DMD: variants seen among roughly 807,000 people sequenced by gnomAD.
The protein encoded by DMD is dystrophin.
In DMD, 63 loss-of-function variants were observed where a neutral mutation model predicts 330.1. The ratio of observed to expected loss-of-function variants is 0.19; its 90% confidence interval spans 0.16 to 0.24. The LOEUF (loss-of-function observed/expected upper bound fraction) is 0.24, where lower values mean the gene tolerates loss of function less well. DMD is among the 10% of genes least tolerant of loss of function. The probability of loss-of-function intolerance (pLI) is 1.00; values close to 1 mark genes in which losing one functional copy is unlikely to be tolerated. For synonymous variants in DMD, 1,223 were observed against 959.8 expected, an observed-to-expected ratio of 1.27 and a Z score of -5.07; for missense variants, 3,344 against 2,684.1, an observed-to-expected ratio of 1.25 and a Z score of -5.43.
intron 52 of DMD, among the ~76,000 whole-genome samples, chrX:31,691,891 A>G (rs188284307): frequency 1.2e-3 from 138 of 111,664 alleles, no homozygotes; most frequent in African/African-American, 4.3e-3. Context: ...ATAAGAAAAC[A>G]TTGGACTTGA....
intron 2 of DMD, among the ~76,000 whole-genome samples, chrX:32,850,139 C>T (rs777933404): frequency 4.5e-5 from 5 of 111,347 alleles, no homozygotes; most frequent in Admixed American, 9.6e-5. Flanking sequence ...AAGGCAGTTA[C>T]GGGTAAAGGG....
chrX:31,555,729 A>G (rs771708792), intron 55 of DMD, among the ~76,000 whole-genome samples: 23 of 112,020 alleles, frequency 2.1e-4, no homozygotes, highest in Non-Finnish European at 4.1e-4. Flanking sequence ...CCTTGTAAGC[A>G]CACCATAATT....
intron 4 of DMD, among the ~76,000 whole-genome samples, chrX:32,827,065 C>CCCCCACACA (rs767139724): frequency 8.7e-5 from 6 of 68,959 alleles, no homozygotes; most frequent in Admixed American, 1.8e-4. Flanking sequence ...CACCCCCCCC[C>CCCCCACACA]CACACACACA....
intron 77 of DMD, among the ~76,000 whole-genome samples, chrX:31,131,803 T>C (rs2034548302): frequency 8.9e-6 from 1 of 111,803 alleles, no homozygotes. Context: ...TTTGAGTGCA[T>C]CAATAATTAG....
chrX:33,189,408 T>C (rs918282107), intron 1 of DMD, among the ~76,000 whole-genome samples: 2 of 111,636 alleles, frequency 1.8e-5, no homozygotes, highest in Non-Finnish European at 3.8e-5. Flanking sequence ...TGACAAAATA[T>C]GGTGAAAGAT....
At chrX:32,793,177 T>C (rs1346785024) in intron 7 of DMD, among the ~76,000 whole-genome samples, 1 of 111,881 alleles carries the variant, frequency 8.9e-6, no homozygotes. Context: ...TTGAACAACA[T>C]ACTCCTGAAT....
intron 55 of DMD, among the ~76,000 whole-genome samples, chrX:31,622,170 T>TAA (rs2078567243): frequency 8.9e-6 from 1 of 111,795 alleles, no homozygotes; most frequent in African/African-American, 3.3e-5. Flanking sequence ...CATAATGCTA[T>TAA]TATAATTTTG....
intron 43 of DMD, among the ~76,000 whole-genome samples, chrX:32,260,936 G>A (rs964671547): frequency 2.1e-5 from 2 of 94,413 alleles, no homozygotes; most frequent in Admixed American, 1.2e-4. Context: ...CAGAAGCTAA[G>A]TTAGGGTTTA....
At chrX:32,680,467 T>TA (rs1254936954) in intron 9 of DMD, among the ~76,000 whole-genome samples, 2 of 111,197 alleles carry the variant, frequency 1.8e-5, no homozygotes, top group African/African-American at 6.5e-5. Context: ...AAAGGCTGTC[T>TA]ATAAATCTTA....
intron 41 of DMD, among the ~76,000 whole-genome samples, chrX:32,313,221 C>T (rs1203725520): frequency 1.8e-5 from 2 of 110,460 alleles, no homozygotes; most frequent in South Asian, 3.9e-4. Flanking sequence ...AGGCTTCATC[C>T]CTGGGATGCA....
At chrX:31,220,833 G>A (rs140210802) in intron 64 of DMD, among the ~76,000 whole-genome samples, 2 of 106,910 alleles carry the variant, frequency 1.9e-5, no homozygotes, top group East Asian at 5.8e-4. Flanking sequence ...GGCCCAGGAT[G>A]GCTTTGAATG....
chrX:32,026,365 C>A (rs982324778), intron 44 of DMD, among the ~76,000 whole-genome samples: 10 of 112,009 alleles, frequency 8.9e-5, no homozygotes, highest in African/African-American at 1.9e-4. Context: ...TTACAAAGAA[C>A]TAAAATGATC....
chrX:31,291,579 C>T (rs1169996793), intron 62 of DMD, among the ~76,000 whole-genome samples: 1 of 111,751 alleles, frequency 8.9e-6, no homozygotes, highest in Non-Finnish European at 1.9e-5. Flanking sequence ...AGTCAACTGA[C>T]ACTGACAAAA....
chrX:31,927,999 T>A (rs750877660), intron 47 of DMD, among the ~76,000 whole-genome samples: 8 of 111,707 alleles, frequency 7.2e-5, no homozygotes, highest in Non-Finnish European at 1.5e-4. Context: ...AAGAACAAAG[T>A]GGAAGGTTTA....
intron 2 of DMD, among the ~76,000 whole-genome samples, chrX:32,988,924 G>T (rs1390547444): frequency 9.0e-6 from 1 of 111,069 alleles, no homozygotes; most frequent in Non-Finnish European, 1.9e-5. Flanking sequence ...AAGATAATCT[G>T]TATGAAAAAA....
intron 63 of DMD, among the ~76,000 whole-genome samples, chrX:31,226,163 G>A (rs755922800): frequency 8.9e-6 from 1 of 111,738 alleles, no homozygotes; most frequent in Non-Finnish European, 1.9e-5. Context: ...CTGTGAATCC[G>A]AATCAATATT....
intron 60 of DMD, among the ~76,000 whole-genome samples, chrX:31,357,735 G>GT (rs927561758): frequency 9.0e-6 from 1 of 111,286 alleles, no homozygotes; most frequent in Non-Finnish European, 1.9e-5. Context: ...AGAAGACCCT[G>GT]TTTCCACTTC....
chrX:32,962,999 T>C (rs1346460287), intron 2 of DMD, among the ~76,000 whole-genome samples: 2 of 111,669 alleles, frequency 1.8e-5, no homozygotes, highest in Non-Finnish European at 3.8e-5. Context: ...GCCTTCTGCC[T>C]GCAAGAAGCG....
intron 1 of DMD, among the ~76,000 whole-genome samples, chrX:33,196,908 T>C (rs1338114349): frequency 2.7e-5 from 3 of 111,294 alleles, no homozygotes; most frequent in Non-Finnish European, 5.7e-5. Context: ...GTCTCAGGCA[T>C]TGTCAAGTTA....
Sources: gnomAD v4.1 joint callset for allele counts (sites outside exome capture counted in the v4.1 genomes callset) on GRCh38, gnomAD v4.1.1 for gene constraint, MANE v1.5 for transcripts, NCBI Gene and HGNC (gene_info 2026-07-23, HGNC 2026-07-21) for gene names.